The following ROBO2 variants were observed in gnomAD, a reference collection of about 807,000 sequenced individuals.
The protein encoded by ROBO2 is roundabout homolog 2.
In ROBO2, 53 loss-of-function variants were observed where a neutral mutation model predicts 160.8. The ratio of observed to expected loss-of-function variants is 0.33; its 90% CI spans 0.26 to 0.41. The LOEUF is 0.41. Among genes scored for constraint, ROBO2 ranks in the 10% least tolerant of loss-of-function variants. The pLI, the probability that ROBO2 is intolerant of heterozygous loss-of-function variation, is 1.00. For missense variants in ROBO2, 1,577 were observed against 1,722.4 expected, an observed-to-expected ratio of 0.92 and a Z score of 1.49; for synonymous variants, 664 against 611.7, an observed-to-expected ratio of 1.09 and a Z score of -1.26.
At chr3:77,463,490 G>A (rs2082449616) in intron 2 of ROBO2, among the ~76,000 whole-genome samples, 2 of 151,926 alleles carry the variant, frequency 1.3e-5, no homozygotes, top group Non-Finnish European at 2.9e-5. Context: ...TTTAGCAATT[G>A]CATAGTAATT....
intron 2 of ROBO2, among the ~76,000 whole-genome samples, chr3:77,387,472 C>G (rs911507951): frequency 7.2e-5 from 11 of 152,062 alleles, no homozygotes; most frequent in Non-Finnish European, 1.3e-4. Context: ...GACCTACACC[C>G]TGGATTTTCA....
At chr3:76,904,661 C>G (rs1355355314) in intron 2 of ROBO2, among the ~76,000 whole-genome samples, 1 of 152,108 alleles carries the variant, frequency 6.6e-6, no homozygotes, top group African/African-American at 2.4e-5. Flanking sequence ...GATTTAAGAA[C>G]AGGCTCCTGT....
At chr3:75,955,314 A>G (rs889767323) in intron 2 of ROBO2, among the ~76,000 whole-genome samples, 31 of 151,814 alleles carry the variant, frequency 2.0e-4, no homozygotes, top group Non-Finnish European at 2.9e-5. Flanking sequence ...TCCAGAATTC[A>G]TTTTGAAATA....
chr3:76,608,447 C>T (rs1486271688), intron 2 of ROBO2, among the ~76,000 whole-genome samples: 4 of 152,288 alleles, frequency 2.6e-5, no homozygotes, highest in Middle Eastern at 3.4e-3. Flanking sequence ...TTTCGCCATA[C>T]ACTCTTGGCC....
rs1245821691 is a variant in ROBO2, at chr3:76,048,191, A to T, written c.109+110589A>T. Among the ~76,000 whole-genome samples, 4 of 151,894 alleles carry T rather than the reference A, an allele frequency of 2.6e-5. No individual in the cohort carries two copies. The East Asian group carries it at 7.7e-4, about 29-fold the overall frequency. On this transcript the variant is annotated intron_variant, in intron 2 of 26. Transcript: ENST00000487694. ...CGTAGGTGGGCAGGTTTTTTATGCT[A>T]AAAAAAAGAAAATGGTTGCATTCAC...
intron 2 of ROBO2, among the ~76,000 whole-genome samples, chr3:77,187,287 T>C (rs1403784063): frequency 2.5e-4 from 38 of 152,000 alleles, no homozygotes; most frequent in Admixed American, 2.4e-3. Context: ...AAACTATTAA[T>C]AACACATTCA....
chr3:76,316,783 T>G (rs1172695103), intron 2 of ROBO2, among the ~76,000 whole-genome samples: 1 of 152,212 alleles, frequency 6.6e-6, no homozygotes, highest in African/African-American at 2.4e-5. Context: ...GTATTAATTT[T>G]GGGAACTGAT....
At chr3:76,343,097 A>T (rs1301378633) in intron 2 of ROBO2, among the ~76,000 whole-genome samples, 1 of 151,494 alleles carries the variant, frequency 6.6e-6, no homozygotes, top group Non-Finnish European at 1.5e-5. Flanking sequence ...ATTACCAGAA[A>T]CTCTTCTCTA....
chr3:76,351,014 T>C (rs985482141), intron 2 of ROBO2, among the ~76,000 whole-genome samples: 1 of 152,020 alleles, frequency 6.6e-6, no homozygotes, highest in Admixed American at 6.6e-5. Context: ...TAGTCATAAC[T>C]GCTTATAATT....
Position 77,540,204 on chromosome 3 carries a change from A to G in ROBO2, c.935-6134A>G, listed in dbSNP as rs184292396. 2.6e-5 allele frequency among the ~76,000 whole-genome samples: 4 copies of G among 152,310 alleles called. No individual in the cohort carries two copies. The East Asian group carries it at 7.7e-4, about 29-fold the overall frequency. The stretch of plus-strand genomic sequence containing the variant: ...ACAGGTAGTATAGAAAGAGAAAAGT[A>G]ATGGGTTTTATGCTACCCTAATAAT... On this transcript the variant is annotated intron_variant, in intron 6 of 25. Transcript: ENST00000461745.
At chr3:76,480,967 T>C (rs1354843190) in intron 2 of ROBO2, among the ~76,000 whole-genome samples, 1 of 152,198 alleles carries the variant, frequency 6.6e-6, no homozygotes, top group Non-Finnish European at 1.5e-5. Flanking sequence ...ATAAATTTTA[T>C]AGAGATTGTA....
intron 2 of ROBO2, among the ~76,000 whole-genome samples, chr3:75,966,496 G>A (rs1229581526): frequency 6.6e-6 from 1 of 151,674 alleles, no homozygotes; most frequent in Non-Finnish European, 1.5e-5. Context: ...GTTGGATATA[G>A]TGGTTGTATG....
intron 2 of ROBO2, among the ~76,000 whole-genome samples, chr3:76,889,667 A>T (rs2148808439): frequency 6.6e-6 from 1 of 152,264 alleles, no homozygotes; most frequent in African/African-American, 2.4e-5. Flanking sequence ...AAAACCATTA[A>T]AATCCCCTGT....
chr3:77,102,959 G>C (rs1368733619), intron 2 of ROBO2, among the ~76,000 whole-genome samples: 2 of 151,990 alleles, frequency 1.3e-5, no homozygotes, highest in African/African-American at 4.8e-5. Context: ...AACAGTTGCA[G>C]AGTTAATAAG....
intron 1 of ROBO2, among the ~76,000 whole-genome samples, chr3:75,914,707 C>G (rs1946737441): frequency 6.6e-6 from 1 of 152,168 alleles, no homozygotes; most frequent in Non-Finnish European, 1.5e-5. Flanking sequence ...TCTACGGATG[C>G]GTAAGTAACT....
chr3:77,218,415 C>A (rs151281762), intron 2 of ROBO2, among the ~76,000 whole-genome samples: 1 of 148,092 alleles, frequency 6.8e-6, no homozygotes. Flanking sequence ...CACTCTGTAA[C>A]CTAAGCTTGA....
At chr3:76,771,951 T>C (rs1312134193) in intron 2 of ROBO2, among the ~76,000 whole-genome samples, 1 of 151,326 alleles carries the variant, frequency 6.6e-6, no homozygotes, top group African/African-American at 2.4e-5. Context: ...AATTACGGTA[T>C]GGAAATATTG....
At chr3:77,009,088 ATACT>A (rs1313519346) in intron 2 of ROBO2, among the ~76,000 whole-genome samples, 4 of 152,196 alleles carry the variant, frequency 2.6e-5, no homozygotes, top group Admixed American at 2.6e-4. Context: ...AAATAAATTA[ATACT>A]TACTTAAAAA....
intron 2 of ROBO2, among the ~76,000 whole-genome samples, chr3:77,155,369 G>A (rs957544583): frequency 1.4e-4 from 22 of 151,922 alleles, no homozygotes; most frequent in African/African-American, 5.3e-4. Flanking sequence ...GAGTGGAGGG[G>A]GATAAGGGAT....
Sources: gnomAD v4.1 joint callset for allele counts (sites outside exome capture counted in the v4.1 genomes callset) on GRCh38, gnomAD v4.1.1 for gene constraint, MANE v1.5 for transcripts, NCBI Gene and HGNC (gene_info 2026-07-23, HGNC 2026-07-21) for gene names.